DPF3: variants seen among roughly 807,000 people sequenced by gnomAD.
DPF3 encodes the protein zinc finger protein DPF3.
A neutral mutation model predicts 56.8 loss-of-function variants in DPF3; 18 were observed. That is an observed-to-expected ratio of 0.32 (90% CI 0.22 to 0.47). DPF3 has a LOEUF of 0.47. Among genes scored for constraint, DPF3 ranks in the 20% least tolerant of loss-of-function variants. The probability of loss-of-function intolerance (pLI) is 1.00; values close to 1 mark genes in which losing one functional copy is unlikely to be tolerated. For synonymous variants in DPF3, 188 were observed against 180.2 expected (o/e 1.04, Z -0.35); for missense variants, 403 against 488.8 (o/e 0.82, Z 1.65).
At chr14:72,640,736 T>G (rs76587845) in intron 8 of DPF3, among the ~76,000 whole-genome samples, 6,485 of 152,270 alleles carry the variant, frequency 0.043, 243 homozygotes, top group East Asian at 0.11. Flanking sequence ...GGATTCAAAC[T>G]GGGCACATTC....
intron 6 of DPF3, among the ~76,000 whole-genome samples, chr14:72,699,547 A>G (rs1354621165): frequency 6.6e-6 from 1 of 151,674 alleles, no homozygotes; most frequent in Non-Finnish European, 1.5e-5. Context: ...AAAATTAGTA[A>G]TTGTTAAGAA....
At chr14:72,875,624 AG>A (rs1886082368) in intron 1 of DPF3, among the ~76,000 whole-genome samples, 1 of 152,348 alleles carries the variant, frequency 6.6e-6, no homozygotes, top group South Asian at 2.1e-4. Context: ...TGGGTCACAC[AG>A]CAACTGCTCC....
chr14:72,808,596 T>A (rs1437995855), intron 1 of DPF3, among the ~76,000 whole-genome samples: 1 of 152,182 alleles, frequency 6.6e-6, no homozygotes, highest in Non-Finnish European at 1.5e-5. Flanking sequence ...TGAAAATAGT[T>A]CGCCATTTAC....
chr14:72,780,163 T>C (rs988173805), intron 1 of DPF3, among the ~76,000 whole-genome samples: 5 of 152,242 alleles, frequency 3.3e-5, no homozygotes, highest in Non-Finnish European at 7.3e-5. Flanking sequence ...ACTTTACTTA[T>C]ATCCTTCCTC....
chr14:72,643,455 G>T (rs1192894232), intron 8 of DPF3, among the ~76,000 whole-genome samples: 3 of 152,206 alleles, frequency 2.0e-5, no homozygotes, highest in African/African-American at 7.2e-5. Context: ...AAACCCTGGG[G>T]AAGAATTGCT....
At position 72,610,267 on chromosome 14, in the gene DPF3, G is replaced by A. The variant is rs1183224639; in HGVS notation, c.*9030C>T. Among the ~76,000 whole-genome samples, 1 of 152,220 alleles carries A rather than the reference G, an allele frequency of 6.6e-6. No homozygotes were observed. Among genetic ancestry groups the A allele is most frequent in the Non-Finnish European group, 1.5e-5 (1 of 68,040 alleles). ...TCTGACTCAACTAGAGGGCATCCAA[G>A]GCCTGGTGGAGCCTGTGCAGGCCTG... is the stretch of plus-strand genomic sequence containing the variant. On this transcript the variant is annotated 3_prime_UTR_variant, in exon 11 of 11. Transcript: ENST00000556509.
At chr14:72,657,506 A>G (rs991119318) in intron 8 of DPF3, among the ~76,000 whole-genome samples, 1 of 152,200 alleles carries the variant, frequency 6.6e-6, no homozygotes, top group Non-Finnish European at 1.5e-5. Flanking sequence ...GCTGTGAAAC[A>G]TTTGTTGCAT....
intron 1 of DPF3, among the ~76,000 whole-genome samples, chr14:72,788,441 C>T (rs1329838981): frequency 6.6e-6 from 1 of 152,054 alleles, no homozygotes; most frequent in Non-Finnish European, 1.5e-5. Context: ...AGGAGGGGGG[C>T]CGCAGAGTCA....
chr14:72,651,021 T>C (rs1345549071), intron 8 of DPF3, among the ~76,000 whole-genome samples: 1 of 152,026 alleles, frequency 6.6e-6, no homozygotes, highest in African/African-American at 2.4e-5. Flanking sequence ...AGAACCAGAG[T>C]GAATCTTGGA....
intron 8 of DPF3, among the ~76,000 whole-genome samples, chr14:72,666,648 C>T (rs1886456722): frequency 6.6e-6 from 1 of 152,126 alleles, no homozygotes; most frequent in Non-Finnish European, 1.5e-5. Context: ...GCTACATATT[C>T]TAATAGGGAA....
chr14:72,778,932 A>G (rs555647209), intron 1 of DPF3, among the ~76,000 whole-genome samples: 1 of 152,228 alleles, frequency 6.6e-6, no homozygotes, highest in Non-Finnish European at 1.5e-5. Context: ...ACATCTGCAG[A>G]GCCACTGCAC....
intron 9 of DPF3, among the ~76,000 whole-genome samples, chr14:72,627,396 A>G (rs1175985932): frequency 6.6e-6 from 1 of 152,108 alleles, no homozygotes; most frequent in African/African-American, 2.4e-5. Flanking sequence ...AGCACCATTC[A>G]TTTAAAAGTC....
intron 1 of DPF3, among the ~76,000 whole-genome samples, chr14:72,863,731 C>T (rs1457710373): frequency 2.0e-5 from 3 of 152,170 alleles, no homozygotes; most frequent in Non-Finnish European, 4.4e-5. Flanking sequence ...AGGCTCAATT[C>T]CTTTACTCAA....
At position 72,828,537 on chromosome 14, in the gene DPF3, T is replaced by TAAAAA. The variant is rs3058950; in HGVS notation, c.33-56649_33-56645dup. On this transcript the variant is annotated intron_variant, in intron 1 of 10. Coordinates refer to ENST00000556509, the MANE Select transcript of DPF3 (RefSeq NM_001280542.3). Reference sequence around the variant, plus strand: ...TGGGCAACAAAGTGAGACCATGTCTTAAAAAAAAAAAAAAACTTAATATGA... The same window carrying TAAAAA: ...TGGGCAACAAAGTGAGACCATGTCTTAAAAAAAAAAAAAAAAAAAACTTAATATGA... Among the ~76,000 whole-genome samples, 79 of 86,986 alleles carry TAAAAA rather than the reference T, an allele frequency of 9.1e-4. 2 individuals are homozygous for TAAAAA. Among genetic ancestry groups the TAAAAA allele is most frequent in the African/African-American group, 2.1e-3 (46 of 22,092 alleles). The allele number at this position is 86,986 out of a possible 152,430, so 57.1% of individuals were successfully genotyped here.
At chr14:72,872,466 TG>T (rs760180082) in intron 1 of DPF3, among the ~76,000 whole-genome samples, 1 of 152,246 alleles carries the variant, frequency 6.6e-6, no homozygotes, top group Non-Finnish European at 1.5e-5. Context: ...CTTATAAAAC[TG>T]AATGCCTTTA....
At chr14:72,704,507 A>C (rs1200005354) in intron 6 of DPF3, among the ~76,000 whole-genome samples, 3 of 152,120 alleles carry the variant, frequency 2.0e-5, no homozygotes, top group Non-Finnish European at 2.9e-5. Context: ...GTTCCAGGCT[A>C]TCCAGTGTGA....
At chr14:72,716,255 A>T (rs1482590649) in intron 5 of DPF3, among the ~76,000 whole-genome samples, 1 of 152,156 alleles carries the variant, frequency 6.6e-6, no homozygotes, top group East Asian at 1.9e-4. Context: ...CCAGGTTTTC[A>T]TCTCCTACAG....
At chr14:72,627,564 A>G (rs1428349404) in intron 9 of DPF3, among the ~76,000 whole-genome samples, 1 of 152,028 alleles carries the variant, frequency 6.6e-6, no homozygotes, top group Non-Finnish European at 1.5e-5. Flanking sequence ...GCTTTACAGT[A>G]TGTTTTAATA....
intron 1 of DPF3, among the ~76,000 whole-genome samples, chr14:72,822,107 G>GGC (rs1289765732): frequency 6.6e-6 from 1 of 152,182 alleles, no homozygotes; most frequent in African/African-American, 2.4e-5. Context: ...TCCTAGGCTG[G>GGC]GCGCAGTGGC....
Sources: gnomAD v4.1 joint callset for allele counts (sites outside exome capture counted in the v4.1 genomes callset) on GRCh38, gnomAD v4.1.1 for gene constraint, MANE v1.5 for transcripts, NCBI Gene and HGNC (gene_info 2026-07-23, HGNC 2026-07-21) for gene names.